GOLGA6L7: variants seen among roughly 807,000 people sequenced by gnomAD.
GOLGA6L7 encodes golgin subfamily A member 6-like protein 7.
A neutral mutation model predicts 68.9 loss-of-function variants in GOLGA6L7; 29 were observed. The ratio of observed to expected loss-of-function variants is 0.42; its 90% CI spans 0.31 to 0.57. GOLGA6L7 has a LOEUF of 0.57. GOLGA6L7 is among the 20% of genes least tolerant of loss of function. The probability of loss-of-function intolerance (pLI) is 0.13; values close to 1 mark genes in which losing one functional copy is unlikely to be tolerated. For synonymous variants in GOLGA6L7, 133 were observed against 197.4 expected (o/e 0.67, Z 2.73); for missense variants, 396 against 588.4 (o/e 0.67, Z 3.38).
At chr15:28,846,730 C>T (rs2030446220) in intron 2 of GOLGA6L7, 1 of 347,802 alleles carries the variant, frequency 2.9e-6, no homozygotes, top group Admixed American at 4.7e-5. Context: ...TCTAACTCTA[C>T]CTCCTCAGGA....
chr15:28,844,655 G>T (rs998484137), intron 6 of GOLGA6L7, among the ~76,000 whole-genome samples: 7 of 148,912 alleles, frequency 4.7e-5, no homozygotes, highest in African/African-American at 1.8e-4. Context: ...AGACTGAATT[G>T]ATAGCTGGCT....
In GOLGA6L7 at chr15:28,842,897, G is replaced by C. The variant is rs1221539314; in HGVS notation, c.1207C>G (p.Gln403Glu). 2.5e-6 allele frequency: 3 copies of C among 1,223,230 alleles called. No homozygotes were observed. The highest frequency in any genetic ancestry group is 3.0e-6 in the Non-Finnish European group (3 of 993,470). The allele number at this position is 1,223,230 out of a possible 1,614,324, so 75.8% of individuals were successfully genotyped here. A position where few individuals can be genotyped will look rare whatever the true frequency, so the allele number is the denominator to read the frequency against. Residue 403 changes from glutamine to glutamate, a missense_variant, in exon 9 of 9, where the codon CAG (glutamine) becomes GAG (glutamate). Gln to Glu is a conservative substitution (Grantham distance 29). Transcript: ENST00000567390. Reference protein sequence around the residue: ...QEEQMRKQEEQMWKQEEQMGE... With the variant: ...QEEQMRKQEEEMWKQEEQMGE... ...ATCTGCTCCTCCTGCTTCCACATCTGCTCCTCCTGCTTTCGCATCTGCTCC... is the reference window on the plus strand; with the variant it reads ...ATCTGCTCCTCCTGCTTCCACATCTCCTCCTCCTGCTTTCGCATCTGCTCC...
In GOLGA6L7 at chr15:28,843,725, G is replaced by A. The variant is rs1330040668; in HGVS notation, c.663+9C>T. ...CGGCTCCCACACCCCCGGGGCTGCC[G>A]CCGCTCACCTGTGGCAGCGGGATTT... On this transcript the variant is annotated intron_variant, in intron 8 of 8. Coordinates refer to ENST00000567390, the MANE Select transcript of GOLGA6L7 (RefSeq NM_001365371.2). 7.7e-6 allele frequency: 5 copies of A among 652,754 alleles called. No individual in the cohort carries two copies. The highest frequency in any genetic ancestry group is 2.4e-5 in the Admixed American group (1 of 41,432). The allele number at this position is 652,754 out of a possible 1,614,324, so 40.4% of individuals were successfully genotyped here.
intron 6 of GOLGA6L7, chr15:28,845,321 A>C: frequency 1.5e-6 from 1 of 656,120 alleles, no homozygotes; most frequent in Non-Finnish European, 2.8e-6. Flanking sequence ...CTCTGTGTCC[A>C]GTGCTCGCTC....
Position 28,842,071 on chromosome 15 carries a change from C to G in GOLGA6L7, c.*164G>C, listed in dbSNP as rs1307649269. The G allele has an allele frequency of 2.0e-6, 1 of 492,172 alleles. No homozygotes were observed. Among genetic ancestry groups the G allele is most frequent in the Non-Finnish European group, 3.1e-6 (1 of 320,478 alleles). 30.5% of individuals were successfully genotyped at this position (492,172 alleles called of 1,614,324 possible). ...TAGCTGGGATTGGTGATCCACCCGCCTAGGCCTCCCAAAGTGGTGTGATTA... is the reference window on the plus strand; with the variant it reads ...TAGCTGGGATTGGTGATCCACCCGCGTAGGCCTCCCAAAGTGGTGTGATTA... On this transcript the variant is annotated 3_prime_UTR_variant, in exon 9 of 9. Coordinates refer to ENST00000567390, the MANE Select transcript of GOLGA6L7 (RefSeq NM_001365371.2).
At chr15:28,847,224 G>C (rs989636014) in intron 1 of GOLGA6L7, 32 bp from the exon 2 acceptor site, 9 of 1,259,170 alleles carry the variant, frequency 7.1e-6, no homozygotes, top group Admixed American at 2.1e-5. Context: ...ATACTCATGA[G>C]AACTACAAGC....
In GOLGA6L7 at chr15:28,843,377, CCTCCT is replaced by C; in HGVS notation, c.722_726del (p.Gln241ArgfsTer267). ...CGTAGCTTCTCCTGATCCCGTAGCT[CCTCCT>C]GATCCCGTAGCTCCTCCTCCTGCCT... is the stretch of plus-strand genomic sequence containing the variant. On this transcript the variant is annotated frameshift_variant, in exon 9 of 9. Transcript: ENST00000567390. LOFTEE classifies it high-confidence loss of function. 1 of 6,666 alleles carries C rather than the reference CCTCCT, an allele frequency of 1.5e-4. No homozygotes were observed. Among genetic ancestry groups the C allele is most frequent in the Non-Finnish European group, 1.7e-4 (1 of 5,834 alleles). The allele number at this position is 6,666 out of a possible 1,614,324, so 0.4% of individuals were successfully genotyped here.
intron 1 of GOLGA6L7, among the ~76,000 whole-genome samples, chr15:28,847,979 G>A (rs754824699): frequency 2.3e-4 from 35 of 152,208 alleles, no homozygotes; most frequent in Non-Finnish European, 4.1e-4. Context: ...TATCCCATCA[G>A]TGCTGTGCCC....
intron 6 of GOLGA6L7, among the ~76,000 whole-genome samples, chr15:28,844,470 G>A (rs1485257025): frequency 1.6e-4 from 16 of 99,258 alleles, no homozygotes; most frequent in African/African-American, 5.8e-4. Context: ...CGCTCTTGTT[G>A]CCCAGGCTGG....
At chr15:28,845,116 A>ATACGTACG (rs1347977701) in intron 6 of GOLGA6L7, 1 of 321,004 alleles carries the variant, frequency 3.1e-6, no homozygotes, top group African/African-American at 3.3e-5. Context: ...TATTACCATA[A>ATACGTACG]TACGTACGTA....
In GOLGA6L7 at chr15:28,846,828, T is replaced by C. The variant is rs1595358105; in HGVS notation, c.180+236A>G. The C allele has an allele frequency of 6.2e-6, 3 of 486,778 alleles. No homozygotes were observed. In the East Asian group the frequency reaches 1.1e-4, roughly 19 times the overall value. 30.2% of individuals were successfully genotyped at this position (486,778 alleles called of 1,614,324 possible). A position where few individuals can be genotyped will look rare whatever the true frequency, so the allele number is the denominator to read the frequency against. On this transcript the variant is annotated intron_variant, in intron 2 of 8. Transcript: ENST00000567390. ...CAACAGCAACAAATCTGATTTAAGC[T>C]TCACACATGTAAGTAAAACATTACC...
intron 1 of GOLGA6L7, among the ~76,000 whole-genome samples, chr15:28,848,077 G>A (rs999490347): frequency 6.6e-6 from 1 of 152,186 alleles, no homozygotes; most frequent in African/African-American, 2.4e-5. Context: ...GGGAAGTCAG[G>A]CTTGGGGCAG....
rs573455901 is a variant in GOLGA6L7 at position 28,848,500 on chromosome 15, T to C, written c.50A>G (p.Lys17Arg). The C allele has an allele frequency of 9.3e-5, 65 of 702,624 alleles. No individual in the cohort carries two copies. The highest frequency in any genetic ancestry group is 5.5e-4 in the South Asian group (37 of 67,552). The allele number at this position is 702,624 out of a possible 1,614,324, so 43.5% of individuals were successfully genotyped here. ...QQRKLAGTKK[K>R]FTDYHQWNSA... ...GTGCTGCAATCCGATGCGTTTTACCTTTTTCTTGGTCCCAGCCAATTTTCT... is the reference window on the plus strand; with the variant it reads ...GTGCTGCAATCCGATGCGTTTTACCCTTTTCTTGGTCCCAGCCAATTTTCT... Residue 17 changes from lysine (K) to arginine (R), a missense_variant and splice_region_variant, in exon 1 of 9, where the codon AAG becomes AGG. Lys to Arg is a conservative substitution (Grantham distance 26). Around this residue, in one of 5 missense-constraint regions of GOLGA6L7, gnomAD observed 18 missense variants for 56.5 expected, o/e 0.32. Transcript: ENST00000567390.
rs563798351 is a variant in GOLGA6L7 at position 28,845,531 on chromosome 15, T to C, written c.460A>G (p.Lys154Glu). 49 of 713,068 alleles carry C rather than the reference T, an allele frequency of 6.9e-5. No individual in the cohort carries two copies. The South Asian group carries it at 7.1e-4, about 10-fold the overall frequency. 44.2% of individuals were successfully genotyped at this position (713,068 alleles called of 1,614,324 possible). ...ACCGGGTAGGTGGTTGGACTCACCT[T>C]GTCCGCCCTCTCGTGCTCTGCGGAC... ...AMSAEHERAD[K>E]YIKELTKERE... is the part of the protein sequence containing the mutation. The change falls in exon 6 of 9, where the codon AAG becomes GAG. Residue 154 changes from lysine to glutamate, a missense_variant and splice_region_variant. Transcript: ENST00000567390.
chr15:28,847,679 C>T (rs1398638045), intron 1 of GOLGA6L7, among the ~76,000 whole-genome samples: 1 of 152,274 alleles, frequency 6.6e-6, no homozygotes. Flanking sequence ...TTTTGTGTCT[C>T]CCACGAGAAT....
At chr15:28,844,158 C>A in intron 7 of GOLGA6L7, 47 bp downstream of exon 7, 1 of 490,534 alleles carries the variant, frequency 2.0e-6, no homozygotes, top group South Asian at 3.7e-5. Context: ...GCACACCACC[C>A]ACGCTAAGGG....
Position 28,842,495 on chromosome 15 carries a change from G to C in GOLGA6L7, c.1609C>G (p.Gln537Glu). The C allele has an allele frequency of 4.2e-6, 5 of 1,189,274 alleles. No individual in the cohort carries two copies. Among genetic ancestry groups the C allele is most frequent in the Non-Finnish European group, 5.3e-6 (5 of 937,858 alleles). 73.7% of individuals were successfully genotyped at this position (1,189,274 alleles called of 1,614,324 possible). ...CACCGCTCCTCCTGCGTCTTCTCCTGCTCTCCCATCCTCTCCTTCTTCTCC... is the reference window on the plus strand; with the variant it reads ...CACCGCTCCTCCTGCGTCTTCTCCTCCTCTCCCATCCTCTCCTTCTTCTCC... ...RREKKERMGE[Q>E]EKTQEERCSE... The change falls in exon 9 of 9, where the codon CAG becomes GAG. Residue 537 changes from glutamine to glutamate, a missense_variant. Coordinates refer to ENST00000567390, the MANE Select transcript of GOLGA6L7 (RefSeq NM_001365371.2).
chr15:28,845,310 G>A (rs2030382569), intron 6 of GOLGA6L7: 2 of 639,710 alleles, frequency 3.1e-6, no homozygotes, highest in Non-Finnish European at 5.7e-6. Flanking sequence ...TGGCCTCCGA[G>A]CTCTGTGTCC....
Position 28,848,424 on chromosome 15 carries a change from C to G in GOLGA6L7, c.51+75G>C, listed in dbSNP as rs1336569624. 3 of 689,694 alleles carry G rather than the reference C, an allele frequency of 4.3e-6. No individual in the cohort carries two copies. In the African/African-American group the frequency reaches 5.3e-5, roughly 12 times the overall value. The allele number at this position is 689,694 out of a possible 1,614,324, so 42.7% of individuals were successfully genotyped here. ...GCGTGCCTCTGGAGTGACACGGATT[C>G]TGGCAGCTGTTCTGCCATCAGAGGG... On this transcript the variant is annotated intron_variant, in intron 1 of 8. Coordinates refer to ENST00000567390, the MANE Select transcript of GOLGA6L7 (RefSeq NM_001365371.2).
Sources: allele counts gnomAD v4.1 joint callset (sites outside exome capture counted in the v4.1 genomes callset), GRCh38; gene constraint gnomAD v4.1.1; regional missense constraint gnomAD v4.1.1; transcripts MANE v1.5; gene names NCBI Gene and HGNC (gene_info 2026-07-23, HGNC 2026-07-21).